Variants in NTM observed in about 807,000 individuals in gnomAD.
NTM encodes IgLON family member 2.
In NTM, 13 loss-of-function variants were observed where a neutral mutation model predicts 42.1. The observed-to-expected ratio is 0.31, with a 90% confidence interval of 0.20 to 0.49. The LOEUF is 0.49. Among genes scored for constraint, NTM ranks in the 20% least tolerant of loss-of-function variants. NTM has a pLI of 0.99. For missense variants in NTM, 373 were observed against 452.8 expected, an observed-to-expected ratio of 0.82 and a Z score of 1.60; for synonymous variants, 187 against 179.2, an observed-to-expected ratio of 1.04 and a Z score of -0.35.
intron 1 of NTM, among the ~76,000 whole-genome samples, chr11:131,810,735 A>G (rs908928341): frequency 6.6e-6 from 1 of 152,206 alleles, no homozygotes; most frequent in South Asian, 2.1e-4. Flanking sequence ...AGTTGCTGCT[A>G]TCTCAGACTC....
At position 132,145,572 on chromosome 11, in the gene NTM, A is replaced by G. The variant is rs145356828; in HGVS notation, c.168-710A>G. Among the ~76,000 whole-genome samples the G allele has an allele frequency of 3.0e-3, 464 of 152,358 alleles. 6 individuals are homozygous for G. The highest frequency in any genetic ancestry group is 0.028 in the Admixed American group (426 of 15,298). On this transcript the variant is annotated intron_variant, in intron 2 of 8. Coordinates refer to ENST00000683400, the MANE Select transcript of NTM (RefSeq NM_001352005.2). ...TCAAGGACTCCAGATGCAAAAATAA[A>G]AGAAAGAAAATCTATTTTTATATGT... is the stretch of plus-strand genomic sequence containing the variant.
chr11:131,615,513 C>T (rs1201731112), intron 1 of NTM, among the ~76,000 whole-genome samples: 2 of 152,066 alleles, frequency 1.3e-5, no homozygotes, highest in Non-Finnish European at 2.9e-5. Flanking sequence ...TTACAGGCAC[C>T]CACCACAATG....
intron 1 of NTM, among the ~76,000 whole-genome samples, chr11:131,620,300 A>G (rs2062395230): frequency 6.6e-6 from 1 of 152,154 alleles, no homozygotes; most frequent in African/African-American, 2.4e-5. Context: ...TTTTCAAGTC[A>G]TCATCTTCTT....
At chr11:131,851,497 C>T (rs1312239471) in intron 1 of NTM, among the ~76,000 whole-genome samples, 1 of 151,062 alleles carries the variant, frequency 6.6e-6, no homozygotes, top group Non-Finnish European at 1.5e-5. Flanking sequence ...CACATTCTGG[C>T]TGGTCTATAA....
chr11:132,162,275 G>A (rs1391984748), intron 3 of NTM, among the ~76,000 whole-genome samples: 1 of 151,354 alleles, frequency 6.6e-6, no homozygotes, highest in Non-Finnish European at 1.5e-5. Flanking sequence ...TAGGGAGTGT[G>A]TATGTAAGTG....
rs142482594 is a variant in NTM at position 131,973,176 on chromosome 11, G to A, written c.167+61528G>A. Among the ~76,000 whole-genome samples the A allele has an allele frequency of 9.2e-4, 140 of 152,276 alleles. 1 individual carries two copies. The highest frequency in any genetic ancestry group is 3.1e-3 in the African/African-American group (127 of 41,546). On this transcript the variant is annotated intron_variant, in intron 2 of 8. Coordinates refer to ENST00000683400, the MANE Select transcript of NTM (RefSeq NM_001352005.2). The stretch of plus-strand genomic sequence containing the variant: ...TAGTCATGTCACCAGGGATGACTGC[G>A]CACAAGTGAAGTGGAAAAAACACAG...
At chr11:131,387,533 T>C (rs1231345301) in intron 1 of NTM, among the ~76,000 whole-genome samples, 1 of 152,206 alleles carries the variant, frequency 6.6e-6, no homozygotes, top group African/African-American at 2.4e-5. Context: ...GAAAAGAATT[T>C]AAGAGGCTGA....
At chr11:132,241,878 TAAG>T (rs1247985852) in intron 4 of NTM, among the ~76,000 whole-genome samples, 1 of 152,230 alleles carries the variant, frequency 6.6e-6, no homozygotes, top group Non-Finnish European at 1.5e-5. Flanking sequence ...AATTCTCTGT[TAAG>T]AAGCAGCATT....
chr11:132,054,218 AAAAC>A (rs1186923166), intron 2 of NTM, among the ~76,000 whole-genome samples: 9 of 152,238 alleles, frequency 5.9e-5, no homozygotes, highest in African/African-American at 1.2e-4. Context: ...GTCTCAAAGA[AAAAC>A]AAACAAAATA....
chr11:132,314,212 CCTA>C (rs1486906682), intron 6 of NTM, among the ~76,000 whole-genome samples: 1 of 152,148 alleles, frequency 6.6e-6, no homozygotes, highest in East Asian at 1.9e-4. Flanking sequence ...ATTTGAACCA[CCTA>C]CTGTGTGAAT....
At chr11:131,715,263 A>G (rs1399930564) in intron 1 of NTM, among the ~76,000 whole-genome samples, 3 of 152,234 alleles carry the variant, frequency 2.0e-5, no homozygotes, top group Non-Finnish European at 4.4e-5. Context: ...ATTCCTATTT[A>G]TAGCAAGATT....
intron 2 of NTM, among the ~76,000 whole-genome samples, chr11:131,958,626 G>A (rs1047937335): frequency 2.0e-5 from 3 of 152,188 alleles, no homozygotes; most frequent in Admixed American, 6.5e-5. Flanking sequence ...GAGCCTTGAA[G>A]AAGATAAGTT....
intron 1 of NTM, among the ~76,000 whole-genome samples, chr11:131,613,139 A>G (rs1441753538): frequency 1.3e-5 from 2 of 151,904 alleles, no homozygotes; most frequent in Non-Finnish European, 2.9e-5. Context: ...TTTTCCATCT[A>G]GCACACTTCT....
intron 1 of NTM, among the ~76,000 whole-genome samples, chr11:131,567,089 G>A (rs942783459): frequency 1.3e-4 from 20 of 152,074 alleles, no homozygotes; most frequent in African/African-American, 4.3e-4. Flanking sequence ...ACGTTTGGAA[G>A]CTCCCGTTCT....
chr11:131,789,636 A>AAGAAGAAGAAG lies in NTM; in HGVS notation c.83-121927_83-121926insGAAGAAGAAGA, dbSNP rs1555127950. On this transcript the variant is annotated intron_variant, in intron 1 of 8. Coordinates refer to ENST00000683400, the MANE Select transcript of NTM (RefSeq NM_001352005.2). ...AAGAAGAAGAAGAAGAAGAAGAAGAAAAGAAGAAGAAGAAGAAGAAGAAGA... is the reference window on the plus strand; with the variant it reads ...AAGAAGAAGAAGAAGAAGAAGAAGAAAGAAGAAGAAGAAGAAGAAGAAGAAGAAGAAGAAGA... 5.1e-3 allele frequency among the ~76,000 whole-genome samples: 157 copies of AAGAAGAAGAAG among 30,898 alleles called. 45 individuals carry two copies. The highest frequency in any genetic ancestry group is 0.018 in the African/African-American group (149 of 8,284). 20.3% of individuals were successfully genotyped at this position (30,898 alleles called of 152,430 possible). A position where few individuals can be genotyped will look rare whatever the true frequency, so the allele number is the denominator to read the frequency against.
chr11:131,455,887 C>T (rs759073324), intron 1 of NTM, among the ~76,000 whole-genome samples: 4 of 152,180 alleles, frequency 2.6e-5, no homozygotes, highest in African/African-American at 7.2e-5. Flanking sequence ...ACAAGAATTG[C>T]GTTTTGAGGC....
intron 4 of NTM, among the ~76,000 whole-genome samples, chr11:132,220,416 G>A (rs892686157): frequency 1.3e-5 from 2 of 152,136 alleles, no homozygotes; most frequent in African/African-American, 2.4e-5. Context: ...AGTGTCAATA[G>A]GGGTTTTTGT....
At chr11:131,718,912 G>T (rs552536743) in intron 1 of NTM, among the ~76,000 whole-genome samples, 59 of 152,130 alleles carry the variant, frequency 3.9e-4, no homozygotes, top group African/African-American at 1.4e-3. Context: ...TCATTGCCTG[G>T]TATCAGTGTC....
intron 1 of NTM, among the ~76,000 whole-genome samples, chr11:131,861,871 C>A (rs1489052407): frequency 6.6e-6 from 1 of 152,146 alleles, no homozygotes; most frequent in Non-Finnish European, 1.5e-5. Flanking sequence ...GGCCTGTCTC[C>A]ACTCCACATT....
Sources: gnomAD v4.1 joint callset for allele counts (sites outside exome capture counted in the v4.1 genomes callset) on GRCh38, gnomAD v4.1.1 for gene constraint, MANE v1.5 for transcripts, NCBI Gene and HGNC (gene_info 2026-07-23, HGNC 2026-07-21) for gene names.